CLTB: variants seen among roughly 807,000 people sequenced by gnomAD.
The protein encoded by CLTB is clathrin light chain B.
CLTB carries 10 observed loss-of-function variants against 30.5 expected under a neutral mutation model. The observed-to-expected ratio is 0.33, with a 90% CI of 0.20 to 0.56. The LOEUF (loss-of-function observed/expected upper bound fraction) is 0.56, where lower values mean the gene tolerates loss of function less well. Ranked by LOEUF, CLTB falls within the 20% of genes least tolerant of loss-of-function variation. The pLI is 0.91. For missense variants in CLTB, 261 were observed against 308.3 expected (o/e 0.85, Z 1.15); for synonymous variants, 102 against 120.3 (o/e 0.85, Z 1.00).
chr5:176,400,218 A>G (rs548959331), intron 2 of CLTB, among the ~76,000 whole-genome samples: 4 of 152,086 alleles, frequency 2.6e-5, no homozygotes, highest in African/African-American at 9.6e-5. Flanking sequence ...AGAAAGAAAG[A>G]AAGAAAGAAA....
chr5:176,396,180 C>G (rs558442454), intron 5 of CLTB, among the ~76,000 whole-genome samples: 1 of 152,270 alleles, frequency 6.6e-6, no homozygotes, highest in African/African-American at 2.4e-5. Flanking sequence ...CAAGAGACAT[C>G]ACAGAGGGAG....
intron 5 of CLTB, among the ~76,000 whole-genome samples, chr5:176,394,935 A>ATGGG (rs1756448384): frequency 1.3e-5 from 2 of 151,996 alleles, no homozygotes; most frequent in Non-Finnish European, 2.9e-5. Context: ...GGTATTCCAC[A>ATGGG]GCACCCATGC....
intron 5 of CLTB, 107 bp downstream of exon 5, chr5:176,396,372 C>A: frequency 9.6e-7 from 1 of 1,046,052 alleles, no homozygotes. Flanking sequence ...GACCATTGCT[C>A]CGAGCCCAGC....
chr5:176,412,929 T>C (rs908767322), intron 1 of CLTB, among the ~76,000 whole-genome samples: 1 of 152,084 alleles, frequency 6.6e-6, no homozygotes, highest in Non-Finnish European at 1.5e-5. Context: ...GTCTGTACAT[T>C]TGGCCTTCTC....
At chr5:176,415,246 G>A (rs988183535) in intron 1 of CLTB, among the ~76,000 whole-genome samples, 1 of 152,170 alleles carries the variant, frequency 6.6e-6, no homozygotes, top group East Asian at 1.9e-4. Context: ...AAACCATTAA[G>A]TCGACAACTA....
At chr5:176,406,410 G>T in intron 2 of CLTB, 1 of 1,162,670 alleles carries the variant, frequency 8.6e-7, no homozygotes, top group Non-Finnish European at 1.1e-6. Flanking sequence ...CACCAGCCAA[G>T]CGTGTGCTGC....
Position 176,392,726 on chromosome 5 carries a change from T to G in CLTB, c.*48A>C, listed in dbSNP as rs1007810099. The G allele has an allele frequency of 2.5e-6, 4 of 1,601,020 alleles. No homozygotes were observed. Among genetic ancestry groups the G allele is most frequent in the Non-Finnish European group, 2.6e-6 (3 of 1,170,954 alleles). On this transcript the variant is annotated 3_prime_UTR_variant, in exon 6 of 6. Transcript: ENST00000310418. The surrounding 1 kb of genome is among the most constrained non-coding windows in gnomAD (Gnocchi z 5.2). ...CCCCGACCAAAGCAGCTGCTCCTCCTGTGCCCAGGCCCAGCCCATGCTCTG... is the reference window on the plus strand; with the variant it reads ...CCCCGACCAAAGCAGCTGCTCCTCCGGTGCCCAGGCCCAGCCCATGCTCTG...
chr5:176,392,620 T>G lies in CLTB; in HGVS notation c.*154A>C. 1.3e-6 allele frequency: 1 copy of G among 787,464 alleles called. No homozygotes were observed. The highest frequency in any genetic ancestry group is 2.0e-6 in the Non-Finnish European group (1 of 495,698). 48.8% of individuals were successfully genotyped at this position (787,464 alleles called of 1,614,324 possible). A position where few individuals can be genotyped will look rare whatever the true frequency, so the allele number is the denominator to read the frequency against. On this transcript the variant is annotated 3_prime_UTR_variant, in exon 6 of 6. Transcript: ENST00000310418. The surrounding 1 kb of genome is among the most constrained non-coding windows in gnomAD (Gnocchi z 5.2). ...AGGGCCAGGAGGGAGCGAGGCGTGA[T>G]GGGGTGAGGGCCCCCCTCCCAGCGC...
intron 2 of CLTB, among the ~76,000 whole-genome samples, chr5:176,402,334 A>C (rs1756866072): frequency 6.6e-6 from 1 of 152,112 alleles, no homozygotes; most frequent in Non-Finnish European, 1.5e-5. Context: ...AAAACATCTG[A>C]AGGCTCCCTA....
chr5:176,404,859 C>A (rs1757028033), intron 2 of CLTB, among the ~76,000 whole-genome samples: 1 of 152,228 alleles, frequency 6.6e-6, no homozygotes, highest in East Asian at 1.9e-4. Context: ...CCCACATCCC[C>A]CTGGGCAGCC....
At chr5:176,406,054 A>G in intron 2 of CLTB, 1 of 687,496 alleles carries the variant, frequency 1.5e-6, no homozygotes, top group African/African-American at 1.9e-5. Context: ...GTCACCACTC[A>G]TTATTTCCGG....
At chr5:176,413,898 C>T (rs1757569392) in intron 1 of CLTB, among the ~76,000 whole-genome samples, 1 of 152,188 alleles carries the variant, frequency 6.6e-6, no homozygotes, top group Non-Finnish European at 1.5e-5. Flanking sequence ...AAGGCTGTAT[C>T]CCCGGCACCT....
chr5:176,403,387 T>G (rs952247076), intron 2 of CLTB, among the ~76,000 whole-genome samples: 3 of 151,840 alleles, frequency 2.0e-5, no homozygotes, highest in Non-Finnish European at 1.5e-5. Context: ...GAACTTGCAT[T>G]TAAAGGGCTT....
intron 2 of CLTB, chr5:176,406,792 C>G: frequency 9.2e-7 from 1 of 1,086,144 alleles, no homozygotes; most frequent in South Asian, 1.5e-5. Flanking sequence ...CAAGGTTTCT[C>G]CTCCCCCTGC....
At chr5:176,412,280 C>T (rs1456827695) in intron 1 of CLTB, among the ~76,000 whole-genome samples, 1 of 152,082 alleles carries the variant, frequency 6.6e-6, no homozygotes, top group Non-Finnish European at 1.5e-5. Flanking sequence ...CCTTTACTTC[C>T]CTAGGCACTT....
At chr5:176,397,862 C>G (rs897691870) in intron 3 of CLTB, 68 bp downstream of exon 3, 6 of 1,495,246 alleles carry the variant, frequency 4.0e-6, no homozygotes, top group Non-Finnish European at 5.6e-6. Flanking sequence ...CCATGCACTC[C>G]GAGGACTCCC....
chr5:176,412,174 CA>C (rs546824950), intron 1 of CLTB, among the ~76,000 whole-genome samples: 3,587 of 82,368 alleles, frequency 0.044, 46 homozygotes, highest in African/African-American at 0.066. Context: ...AGACTCATCT[CA>C]AAAAAAAAAA....
chr5:176,402,094 G>C (rs1332648156), intron 2 of CLTB, among the ~76,000 whole-genome samples: 1 of 152,144 alleles, frequency 6.6e-6, no homozygotes, highest in Non-Finnish European at 1.5e-5. Flanking sequence ...CCTGAGCTCA[G>C]GAGTTCGAGA....
intron 5 of CLTB, among the ~76,000 whole-genome samples, chr5:176,394,802 A>G (rs192143661): frequency 1.5e-4 from 23 of 151,358 alleles, no homozygotes; most frequent in African/African-American, 4.3e-4. Flanking sequence ...GTGACAGAGC[A>G]AGACTCCGTC....
Sources: gnomAD v4.1 joint callset for allele counts (sites outside exome capture counted in the v4.1 genomes callset) on GRCh38, gnomAD v4.1.1 for gene constraint, Gnocchi (gnomAD v3.1) non-coding constraint, MANE v1.5 for transcripts, NCBI Gene and HGNC (gene_info 2026-07-23, HGNC 2026-07-21) for gene names.